Variants in PHF21A observed in about 807,000 individuals in gnomAD.
PHF21A encodes the protein BHC80a.
A neutral mutation model predicts 82.5 loss-of-function variants in PHF21A; 11 were observed. The ratio of observed to expected loss-of-function variants is 0.13; its 90% confidence interval spans 0.08 to 0.22. The LOEUF is 0.22. Among genes scored for constraint, PHF21A ranks in the 10% least tolerant of loss-of-function variants. The probability of loss-of-function intolerance (pLI) is 1.00; values close to 1 mark genes in which losing one functional copy is unlikely to be tolerated. For missense variants in PHF21A, 579 were observed against 837.8 expected (o/e 0.69, Z 3.81); for synonymous variants, 297 against 302.8 (o/e 0.98, Z 0.20).
Position 45,948,871 on chromosome 11 carries a change from C to T in PHF21A, c.1288+15G>A, listed in dbSNP as rs756616581. ...AAGCAACAGCAGCAAGGGAGAGATA[C>T]AAAAAGGTCCTCACCTCTCTTCCGG... is the stretch of plus-strand genomic sequence containing the variant. On this transcript the variant is annotated intron_variant, in intron 14 of 18. Coordinates refer to ENST00000676320, the MANE Select transcript of PHF21A (RefSeq NM_001352027.3). 2 of 1,606,508 alleles carry T rather than the reference C, an allele frequency of 1.2e-6. No homozygotes were observed. The highest frequency in any genetic ancestry group is 1.7e-6 in the Non-Finnish European group (2 of 1,172,982).
chr11:46,078,864 T>TA (rs1443814669), intron 5 of PHF21A, among the ~76,000 whole-genome samples: 1 of 152,120 alleles, frequency 6.6e-6, no homozygotes, highest in Non-Finnish European at 1.5e-5. Context: ...ATATGACAAG[T>TA]ATTAACTCAA....
At chr11:46,074,457 G>GC (rs954460656) in intron 6 of PHF21A, among the ~76,000 whole-genome samples, 1 of 130,560 alleles carries the variant, frequency 7.7e-6, no homozygotes, top group Non-Finnish European at 1.8e-5. Flanking sequence ...GGCTCTTTTG[G>GC]CGGGAGGGGG....
rs372850156 is a variant in PHF21A, at chr11:45,936,585, G to C, written c.1609-16C>G. ...TCTTCAGCATCTGAAAAGATTTTTA[G>C]AATTTTACCTTGAGAAGGAGGTTTA... On this transcript the variant is annotated splice_polypyrimidine_tract_variant and intron_variant, in intron 16 of 18. Coordinates refer to ENST00000676320, the MANE Select transcript of PHF21A (RefSeq NM_001352027.3). 17 of 1,583,074 alleles carry C rather than the reference G, an allele frequency of 1.1e-5. No homozygotes were observed. Among genetic ancestry groups the C allele is most frequent in the African/African-American group, 4.0e-5 (3 of 74,314 alleles).
In PHF21A at chr11:45,953,579, C is replaced by A; in HGVS notation, c.1043G>T (p.Arg348Leu). ...TETDEKQTES[R>L]TITPPAAPKP... ...GGGTGCAGCAGGTGGGGTGATGGTG[C>A]GGCTCTCTGTTTGTTTCTCATCTGT... Residue 348 changes from arginine (R) to leucine (L), a missense_variant, in exon 11 of 19, where the codon CGC (arginine) becomes CTC (leucine). Coordinates refer to ENST00000676320, the MANE Select transcript of PHF21A (RefSeq NM_001352027.3). 1.2e-6 allele frequency: 2 copies of A among 1,613,538 alleles called. No homozygotes were observed. Among genetic ancestry groups the A allele is most frequent in the Non-Finnish European group, 1.7e-6 (2 of 1,179,660 alleles).
chr11:46,035,078 C>G lies in PHF21A; in HGVS notation c.153+41676G>C, dbSNP rs533961871. ...TGCTTCTTGCATTCCTGAGGGAATA[C>G]TGTTCACCTATTCCCTCCTTTCTGT... On this transcript the variant is annotated intron_variant, in intron 6 of 18. Transcript: ENST00000676320. Among the ~76,000 whole-genome samples, 980 of 152,316 alleles carry G rather than the reference C, an allele frequency of 6.4e-3. 7 individuals carry two copies. Among genetic ancestry groups the G allele is most frequent in the South Asian group, 0.023 (113 of 4,830 alleles).
rs763643908 is a variant in PHF21A, at chr11:45,979,743, T to C, written c.360+17A>G. On this transcript the variant is annotated intron_variant, in intron 7 of 18. Coordinates refer to ENST00000676320, the MANE Select transcript of PHF21A (RefSeq NM_001352027.3). ...GTCTACAATCTGCAGCCTGCAATGTTCCATCCACACATTTACCTGTGAAGC... is the reference window on the plus strand; with the variant it reads ...GTCTACAATCTGCAGCCTGCAATGTCCCATCCACACATTTACCTGTGAAGC... 3.1e-6 allele frequency: 5 copies of C among 1,613,076 alleles called. No individual in the cohort carries two copies. In the East Asian group the frequency reaches 8.9e-5, roughly 29 times the overall value.
chr11:45,999,029 G>A (rs1389741437), intron 6 of PHF21A, among the ~76,000 whole-genome samples: 1 of 151,948 alleles, frequency 6.6e-6, no homozygotes, highest in African/African-American at 2.4e-5. Flanking sequence ...GTTTCACCAT[G>A]TTGGCCAGGC....
In PHF21A at chr11:46,014,250, T is replaced by A. The variant is rs143733112; in HGVS notation, c.154-34284A>T. ...CCAATGTTTAACTCCCACTTATAAA[T>A]GAGAACATATAATATTCAGTTTTCT... On this transcript the variant is annotated intron_variant, in intron 6 of 18. Transcript: ENST00000676320. 3.4e-3 allele frequency among the ~76,000 whole-genome samples: 516 copies of A among 152,346 alleles called. 2 individuals are homozygous for A. Among genetic ancestry groups the A allele is most frequent in the African/African-American group, 0.011 (440 of 41,572 alleles).
chr11:45,956,743 G>A (rs145396887), intron 10 of PHF21A, among the ~76,000 whole-genome samples: 1 of 152,146 alleles, frequency 6.6e-6, no homozygotes, highest in East Asian at 1.9e-4. Context: ...AAAAAAGGCA[G>A]TATTACAGGA....
intron 9 of PHF21A, among the ~76,000 whole-genome samples, chr11:45,966,343 T>A (rs2093432641): frequency 6.6e-6 from 1 of 152,196 alleles, no homozygotes; most frequent in Non-Finnish European, 1.5e-5. Flanking sequence ...CCTCAGTAAG[T>A]ACCCTTTTCT....
chr11:45,949,018 A>G (rs2135455392), intron 13 of PHF21A, 72 bp from the exon 14 acceptor site: 2 of 1,173,402 alleles, frequency 1.7e-6, no homozygotes, highest in East Asian at 4.7e-5. Context: ...CAAGCTAAAG[A>G]CCAAGCATGG....
At position 45,999,579 on chromosome 11, in the gene PHF21A, ATATATC is replaced by A. The variant is rs1409203533; in HGVS notation, c.154-19619_154-19614del. Among the ~76,000 whole-genome samples, 13 of 152,376 alleles carry A rather than the reference ATATATC, an allele frequency of 8.5e-5. No individual in the cohort carries two copies. In the South Asian group the frequency reaches 1.9e-3, roughly 22 times the overall value. ...TTATTTTGAGAAGGGAAATTTAAAA[ATATATC>A]TATAGAGGACAAAAAATGTATAATT... On this transcript the variant is annotated intron_variant, in intron 6 of 18. Coordinates refer to ENST00000676320, the MANE Select transcript of PHF21A (RefSeq NM_001352027.3).
At chr11:45,938,027 C>G (rs906590218) in intron 16 of PHF21A, 130 bp downstream of exon 16, 2 of 735,844 alleles carry the variant, frequency 2.7e-6, no homozygotes, top group Non-Finnish European at 4.4e-6. Flanking sequence ...GTGTCATAAA[C>G]AGGGAAGATG....
chr11:45,940,320 T>C (rs556811477), intron 15 of PHF21A, among the ~76,000 whole-genome samples: 1 of 152,094 alleles, frequency 6.6e-6, no homozygotes, highest in South Asian at 2.1e-4. Context: ...CTCAGACTCC[T>C]GAGTAGCTGG....
intron 6 of PHF21A, among the ~76,000 whole-genome samples, chr11:46,045,568 T>G (rs1328949752): frequency 2.0e-5 from 3 of 152,172 alleles, no homozygotes; most frequent in African/African-American, 7.2e-5. Flanking sequence ...AAAATTAGCA[T>G]TTTATGTCCT....
chr11:46,034,463 T>A (rs1285992167), intron 6 of PHF21A, among the ~76,000 whole-genome samples: 1 of 152,186 alleles, frequency 6.6e-6, no homozygotes, highest in African/African-American at 2.4e-5. Context: ...GGTCTTCTTA[T>A]CATACTAAGG....
chr11:46,093,287 T>A (rs1440955894), intron 1 of PHF21A, among the ~76,000 whole-genome samples: 1 of 152,220 alleles, frequency 6.6e-6, no homozygotes, highest in Non-Finnish European at 1.5e-5. Flanking sequence ...AAATATGGTG[T>A]TTGTTGACTG....
At chr11:45,936,729 A>G in intron 16 of PHF21A, 160 bp from the exon 17 acceptor site, 1 of 604,684 alleles carries the variant, frequency 1.7e-6, no homozygotes, top group African/African-American at 1.9e-5. Flanking sequence ...CTGGACTAAA[A>G]AGTTCCAAAT....
chr11:45,975,009 T>C (rs577928429), intron 7 of PHF21A, among the ~76,000 whole-genome samples: 4 of 152,120 alleles, frequency 2.6e-5, no homozygotes, highest in South Asian at 2.1e-4. Flanking sequence ...ATATGAAGTA[T>C]TGATTTAAAA....
Sources: allele counts gnomAD v4.1 joint callset (sites outside exome capture counted in the v4.1 genomes callset), GRCh38; gene constraint gnomAD v4.1.1; transcripts MANE v1.5; gene names NCBI Gene and HGNC (gene_info 2026-07-23, HGNC 2026-07-21).